The following KHDRBS3 variants were observed in gnomAD, a reference collection of about 807,000 sequenced individuals.
KHDRBS3 encodes the protein KH domain-containing, RNA-binding, signal transduction-associated protein 3.
In KHDRBS3, 23 loss-of-function variants were observed where a neutral mutation model predicts 45.6. The observed-to-expected ratio is 0.50, with a 90% CI of 0.36 to 0.72. The LOEUF is 0.72. Among genes scored for constraint, KHDRBS3 ranks in the 30% least tolerant of loss-of-function variants. The pLI, the probability that KHDRBS3 is intolerant of heterozygous loss-of-function variation, is 0.00. For synonymous variants in KHDRBS3, 162 were observed against 156.5 expected (o/e 1.04, Z -0.26); for missense variants, 352 against 424.8 (o/e 0.83, Z 1.51).
At chr8:135,564,866 G>A (rs1174027538) in intron 5 of KHDRBS3, among the ~76,000 whole-genome samples, 2 of 152,024 alleles carry the variant, frequency 1.3e-5, no homozygotes, top group African/African-American at 4.8e-5. Flanking sequence ...TCACACCCAG[G>A]TTTGGCTGCT....
At chr8:135,516,570 T>TTGTGTGTGTGTG (rs56155377) in intron 1 of KHDRBS3, among the ~76,000 whole-genome samples, 2,216 of 149,116 alleles carry the variant, frequency 0.015, 70 homozygotes, top group East Asian at 0.086. Context: ...GTTTCTTACA[T>TTGTGTGTGTGTG]TGTGTGTGTG....
intron 1 of KHDRBS3, among the ~76,000 whole-genome samples, chr8:135,509,091 C>T (rs1824147870): frequency 6.6e-6 from 1 of 152,156 alleles, no homozygotes; most frequent in African/African-American, 2.4e-5. Context: ...TTAGTTTGTA[C>T]TATTGTACAT....
At chr8:135,460,411 G>T (rs1821373307) in intron 1 of KHDRBS3, among the ~76,000 whole-genome samples, 1 of 152,204 alleles carries the variant, frequency 6.6e-6, no homozygotes, top group African/African-American at 2.4e-5. Context: ...CGGTAAGGCA[G>T]ATGTTCATGT....
chr8:135,597,568 C>T (rs1829027738), intron 6 of KHDRBS3, among the ~76,000 whole-genome samples: 1 of 152,068 alleles, frequency 6.6e-6, no homozygotes, highest in South Asian at 2.1e-4. Flanking sequence ...CCCCAACACT[C>T]TCATTATCTT....
At chr8:135,539,356 A>G (rs139324819) in intron 2 of KHDRBS3, 74 of 152,376 alleles carry the variant, frequency 4.9e-4, no homozygotes, top group African/African-American at 1.7e-3. Flanking sequence ...AAATTTCAGA[A>G]TCTCTTGATT....
intron 7 of KHDRBS3, among the ~76,000 whole-genome samples, chr8:135,631,108 A>G (rs1384829327): frequency 6.6e-6 from 1 of 152,076 alleles, no homozygotes; most frequent in Non-Finnish European, 1.5e-5. Flanking sequence ...AAAATTAGCC[A>G]GGTGTGATGA....
At chr8:135,608,242 C>T (rs1829554300) in intron 7 of KHDRBS3, among the ~76,000 whole-genome samples, 1 of 152,178 alleles carries the variant, frequency 6.6e-6, no homozygotes, top group African/African-American at 2.4e-5. Flanking sequence ...AATTCTAAGT[C>T]AGATATTCTA....
intron 2 of KHDRBS3, among the ~76,000 whole-genome samples, chr8:135,534,062 G>A (rs895204547): frequency 1.2e-4 from 18 of 152,112 alleles, no homozygotes; most frequent in Non-Finnish European, 1.8e-4. Context: ...ATTGTAAGTC[G>A]AGAACTGTCT....
intron 7 of KHDRBS3, among the ~76,000 whole-genome samples, chr8:135,626,631 G>T (rs1452129231): frequency 1.3e-5 from 2 of 152,044 alleles, no homozygotes; most frequent in African/African-American, 4.8e-5. Context: ...GTGAAACCCC[G>T]TTTCTACTAA....
chr8:135,634,094 T>C (rs762182114), intron 7 of KHDRBS3, among the ~76,000 whole-genome samples: 3 of 152,232 alleles, frequency 2.0e-5, no homozygotes, highest in Non-Finnish European at 2.9e-5. Context: ...ACACTTGATA[T>C]CAACCCATTT....
At chr8:135,549,855 C>T (rs1826498669) in intron 4 of KHDRBS3, 1 of 152,092 alleles carries the variant, frequency 6.6e-6, no homozygotes, top group African/African-American at 2.4e-5. Flanking sequence ...TCACTTTTGC[C>T]TTTAAAAAGC....
chr8:135,491,198 G>A (rs944016489), intron 1 of KHDRBS3, among the ~76,000 whole-genome samples: 2 of 152,044 alleles, frequency 1.3e-5, no homozygotes, highest in African/African-American at 4.8e-5. Flanking sequence ...TTTTTTGTAT[G>A]TGTTTCTATG....
chr8:135,592,257 T>G (rs1765349589), intron 6 of KHDRBS3, among the ~76,000 whole-genome samples: 1 of 152,162 alleles, frequency 6.6e-6, no homozygotes, highest in African/African-American at 2.4e-5. Flanking sequence ...GTTTTTGGTT[T>G]TTTTTCTTCC....
At position 135,473,666 on chromosome 8, in the gene KHDRBS3, C is replaced by T. The variant is rs111569844; in HGVS notation, c.88+15712C>T. Among the ~76,000 whole-genome samples the T allele has an allele frequency of 6.2e-3, 937 of 152,226 alleles. 9 individuals carry two copies. Among genetic ancestry groups the T allele is most frequent in the African/African-American group, 0.021 (859 of 41,538 alleles). The stretch of plus-strand genomic sequence containing the variant: ...CAGGCTGCCTTTCTCTTGGGTTGCA[C>T]CTCAGTTCTTACTTATTTATTTATT... On this transcript the variant is annotated intron_variant, in intron 1 of 8. Transcript: ENST00000355849.
chr8:135,625,707 G>T (rs1830327903), intron 7 of KHDRBS3: 2 of 787,198 alleles, frequency 2.5e-6, no homozygotes, highest in Non-Finnish European at 4.6e-6. Flanking sequence ...TTTGTCCACA[G>T]GAATTATTTT....
intron 6 of KHDRBS3, among the ~76,000 whole-genome samples, chr8:135,588,084 C>T (rs566994488): frequency 2.0e-4 from 31 of 152,280 alleles, no homozygotes; most frequent in Admixed American, 2.0e-3. Context: ...TAGCACAGAC[C>T]CTACAGTTAA....
chr8:135,478,988 T>C (rs146869696), intron 1 of KHDRBS3, among the ~76,000 whole-genome samples: 5 of 152,076 alleles, frequency 3.3e-5, no homozygotes, highest in Non-Finnish European at 5.9e-5. Context: ...AGAAAATTAA[T>C]AGAGAAAAGT....
At chr8:135,646,687 T>A (rs1178651240) in intron 8 of KHDRBS3, among the ~76,000 whole-genome samples, 1 of 152,348 alleles carries the variant, frequency 6.6e-6, no homozygotes, top group South Asian at 2.1e-4. Flanking sequence ...CTTTGCTACT[T>A]GAGCTTGTAA....
intron 1 of KHDRBS3, among the ~76,000 whole-genome samples, chr8:135,520,375 T>C (rs1261796592): frequency 6.6e-6 from 1 of 152,212 alleles, no homozygotes; most frequent in African/African-American, 2.4e-5. Context: ...AACCAAATAC[T>C]ATGGGCCATA....
Sources: allele counts gnomAD v4.1 joint callset (sites outside exome capture counted in the v4.1 genomes callset), GRCh38; gene constraint gnomAD v4.1.1; transcripts MANE v1.5; gene names NCBI Gene and HGNC (gene_info 2026-07-23, HGNC 2026-07-21).